The following CGGBP1 variants were observed in gnomAD, a reference collection of about 807,000 sequenced individuals.
CGGBP1 encodes CGG triplet repeat binding protein 1, also known as CGG triplet repeat-binding protein 1.
Under a neutral mutation model 11.4 loss-of-function variants are expected in CGGBP1, and 4 were observed. The observed-to-expected ratio is 0.35, with a 90% CI of 0.17 to 0.80. CGGBP1 has a LOEUF of 0.80. Among genes scored for constraint, CGGBP1 ranks in the 30% least tolerant of loss-of-function variants. The pLI is 0.52. For missense variants in CGGBP1, 135 were observed against 202.1 expected, an observed-to-expected ratio of 0.67 and a Z score of 2.01; for synonymous variants, 76 against 74.1, an observed-to-expected ratio of 1.03 and a Z score of -0.13.
chr3:88,139,316 A>G (rs1338550888), intron 2 of CGGBP1: 3 of 1,600,796 alleles, frequency 1.9e-6, no homozygotes, highest in Non-Finnish European at 2.6e-6. Context: ...GTTGTATGTT[A>G]TGTAACAAGG....
chr3:88,139,808 T>A lies in CGGBP1; in HGVS notation c.-229+1162A>T. ...ATGAAGAAGGTGATTATGAAGAAGA[T>A]GATTATGACCTGAATCAAGAAACTT... is the stretch of plus-strand genomic sequence containing the variant. On this transcript the variant is annotated intron_variant, in intron 2 of 3. Coordinates refer to the CGGBP1 transcript ENST00000462901. 7 of 1,559,354 alleles carry A rather than the reference T, an allele frequency of 4.5e-6. No individual in the cohort carries two copies. The highest frequency in any genetic ancestry group is 5.2e-6 in the Non-Finnish European group (6 of 1,150,950).
intron 2 of CGGBP1, among the ~76,000 whole-genome samples, chr3:88,121,602 CT>C (rs1698868672): frequency 6.6e-6 from 1 of 152,002 alleles, no homozygotes; most frequent in South Asian, 2.1e-4. Context: ...ACATGATTGC[CT>C]TTTTGTAAAG....
At chr3:88,059,586 C>A, upstream of CGGBP1, 1 of 1,439,824 alleles carries the variant, frequency 6.9e-7, no homozygotes, top group Non-Finnish European at 9.1e-7. Context: ...GTCCATGAAT[C>A]TGGTCTATGT....
chr3:88,141,517 A>G (rs1678440593), intron 1 of CGGBP1: 2 of 589,976 alleles, frequency 3.4e-6, no homozygotes, highest in Non-Finnish European at 2.6e-6. Context: ...AATCAGAAAA[A>G]GAGCTTGTCT....
intron 2 of CGGBP1, chr3:88,140,419 C>T: frequency 6.2e-7 from 1 of 1,613,222 alleles, no homozygotes; most frequent in Non-Finnish European, 8.5e-7. Flanking sequence ...ACTAGCAAAT[C>T]AAGGAAAGAG....
chr3:88,094,785 CT>C (rs570985392), intron 2 of CGGBP1, among the ~76,000 whole-genome samples: 2 of 151,794 alleles, frequency 1.3e-5, no homozygotes, highest in Admixed American at 6.6e-5. Flanking sequence ...CAGAGCTGAA[CT>C]TTTTTTTCTT....
intron 1 of CGGBP1, among the ~76,000 whole-genome samples, chr3:88,146,989 C>T (rs1707324761): frequency 6.6e-6 from 1 of 152,174 alleles, no homozygotes; most frequent in Non-Finnish European, 1.5e-5. Context: ...CTTACCCTCC[C>T]CTTCAATCTT....
chr3:88,055,318 G>A lies in CGGBP1; in HGVS notation c.*155C>T, dbSNP rs1223259684. On this transcript the variant is annotated 3_prime_UTR_variant, in exon 4 of 4. Coordinates refer to ENST00000482016, the MANE Select transcript of CGGBP1 (RefSeq NM_001008390.2). This position sits in a 1 kb window ranked among gnomAD's most constrained non-coding sequence, Gnocchi z 4.2. ...AAATTAACAATAAGTTTTGCAGTGA[G>A]GTGGTTTTTTTTTTGCCTGCAACTA... 1 of 615,104 alleles carries A rather than the reference G, an allele frequency of 1.6e-6. No homozygotes were observed. The highest frequency in any genetic ancestry group is 2.5e-6 in the Non-Finnish European group (1 of 396,884). The allele number at this position is 615,104 out of a possible 1,614,324, so 38.1% of individuals were successfully genotyped here.
intron 2 of CGGBP1, among the ~76,000 whole-genome samples, chr3:88,105,145 C>G (rs1704659378): frequency 6.6e-6 from 1 of 152,028 alleles, no homozygotes; most frequent in African/African-American, 2.4e-5. Flanking sequence ...TCTCAGAAAA[C>G]AAACATAAAT....
chr3:88,088,720 G>C (rs1279755497), intron 2 of CGGBP1, among the ~76,000 whole-genome samples: 1 of 67,750 alleles, frequency 1.5e-5, no homozygotes, highest in Non-Finnish European at 3.8e-5. Flanking sequence ...GTAAGAGTGA[G>C]GCAGTTTAAA....
chr3:88,086,116 G>T, intron 2 of CGGBP1: 1 of 641,690 alleles, frequency 1.6e-6, no homozygotes, highest in Non-Finnish European at 2.6e-6. Flanking sequence ...AAAATAAACA[G>T]TATAGAAGAT....
chr3:88,074,163 A>C (rs1014390496), intron 2 of CGGBP1, among the ~76,000 whole-genome samples: 2 of 152,130 alleles, frequency 1.3e-5, no homozygotes, highest in Non-Finnish European at 2.9e-5. Flanking sequence ...TAAGATCCCA[A>C]ATTCTTCCCC....
In CGGBP1 at chr3:88,113,706, T is replaced by C. The variant is rs144760237; in HGVS notation, c.-229+27264A>G. On this transcript the variant is annotated intron_variant, in intron 2 of 3. Transcript: ENST00000462901. The stretch of plus-strand genomic sequence containing the variant: ...GAAAGACATTTGATCTTTTTACTAC[T>C]TACTGGGAAGCAACCCTGACCCACT... Among the ~76,000 whole-genome samples, 399 of 152,240 alleles carry C rather than the reference T, an allele frequency of 2.6e-3. 1 individual carries two copies. The highest frequency in any genetic ancestry group is 9.3e-3 in the African/African-American group (388 of 41,544).
intron 2 of CGGBP1, among the ~76,000 whole-genome samples, chr3:88,122,970 A>G (rs1327949129): frequency 1.3e-5 from 2 of 150,842 alleles, no homozygotes; most frequent in Non-Finnish European, 3.0e-5. Flanking sequence ...AGGTTGCACC[A>G]TTGCACTCCT....
At position 88,141,322 on chromosome 3, in the gene CGGBP1, A is replaced by G. The variant is rs540757400; in HGVS notation, c.-337-244T>C. Among the ~76,000 whole-genome samples the G allele has an allele frequency of 7.9e-5, 9 of 114,564 alleles. No homozygotes were observed. The East Asian group carries it at 2.5e-3, about 32-fold the overall frequency. 75.2% of individuals were successfully genotyped at this position (114,564 alleles called of 152,430 possible). ...GGCAGAACCTGAACACAGGTTTTTC[A>G]TATTCTTTGATTATACTTCTTCACT... On this transcript the variant is annotated intron_variant, in intron 1 of 3. Transcript: ENST00000462901.
intron 2 of CGGBP1, among the ~76,000 whole-genome samples, chr3:88,122,403 G>A (rs1705823650): frequency 6.6e-6 from 1 of 152,168 alleles, no homozygotes. Context: ...GACCAATTAT[G>A]TAGAATGGCC....
intron 2 of CGGBP1, among the ~76,000 whole-genome samples, chr3:88,119,780 T>C (rs1705659854): frequency 6.6e-6 from 1 of 152,162 alleles, no homozygotes; most frequent in African/African-American, 2.4e-5. Context: ...ATTAATATGA[T>C]AGCCATATTA....
At chr3:88,059,551 CCT>C (rs1247065444), upstream of CGGBP1, 1 of 1,449,922 alleles carries the variant, frequency 6.9e-7, no homozygotes, top group African/African-American at 1.4e-5. Context: ...GGGTCCTGGG[CCT>C]CTCTGCGTCT....
chr3:88,086,979 T>A (rs1226295102), intron 2 of CGGBP1, among the ~76,000 whole-genome samples: 1 of 152,194 alleles, frequency 6.6e-6, no homozygotes, highest in Non-Finnish European at 1.5e-5. Flanking sequence ...AGATGGGGTT[T>A]CACCATGTTA....
Sources: allele counts gnomAD v4.1 joint callset (sites outside exome capture counted in the v4.1 genomes callset), GRCh38; gene constraint gnomAD v4.1.1; non-coding constraint Gnocchi (gnomAD v3.1); transcripts MANE v1.5; gene names NCBI Gene and HGNC (gene_info 2026-07-23, HGNC 2026-07-21).